Variants in VNN2 observed in about 807,000 individuals in gnomAD.
VNN2 encodes vanin 2, also known as pantetheine hydrolase VNN2.
VNN2 carries 43 observed loss-of-function variants against 43.0 expected under a neutral mutation model. The ratio of observed to expected loss-of-function variants is 1.00; its 90% confidence interval spans 0.78 to 1.29. The LOEUF (loss-of-function observed/expected upper bound fraction) is 1.29. Ranked by LOEUF, VNN2 falls within the 50% of genes most tolerant of loss-of-function variation. The pLI is 0.00. For missense variants in VNN2, 652 were observed against 619.7 expected (o/e 1.05, Z -0.55); for synonymous variants, 230 against 224.3 (o/e 1.03, Z -0.23).
chr6:132,759,203 G>A (rs537552549), upstream of VNN2, among the ~76,000 whole-genome samples: 3 of 152,096 alleles, frequency 2.0e-5, no homozygotes, highest in African/African-American at 4.8e-5. Context: ...TTGGGAGGCC[G>A]AGGCAGGCAG....
At chr6:132,750,312 T>C (rs1422684299) in intron 5 of VNN2, among the ~76,000 whole-genome samples, 1 of 151,874 alleles carries the variant, frequency 6.6e-6, no homozygotes, top group Non-Finnish European at 1.5e-5. Context: ...GCCAACATTC[T>C]ATAAAAAGTT....
At chr6:132,745,101 C>T (rs1477944815) in intron 6 of VNN2, among the ~76,000 whole-genome samples, 1 of 152,124 alleles carries the variant, frequency 6.6e-6, no homozygotes, top group African/African-American at 2.4e-5. Context: ...TGTGAGTTCT[C>T]ATTCTAGATT....
intron 6 of VNN2, among the ~76,000 whole-genome samples, chr6:132,745,350 G>C (rs1779656319): frequency 6.6e-6 from 1 of 152,142 alleles, no homozygotes; most frequent in African/African-American, 2.4e-5. Context: ...CCAGTAGCTG[G>C]GATTACAGGG....
rs952220322 is a variant in VNN2 at position 132,752,403 on chromosome 6, G to A, written c.826+58C>T. On this transcript the variant is annotated intron_variant, in intron 4 of 6. Transcript: ENST00000326499. ...AAAATTAATACAAGTCATAACTGAG[G>A]CATTCATTTCTCTGCACTTAAAAAT... The A allele has an allele frequency of 1.0e-5, 16 of 1,524,736 alleles. No homozygotes were observed. The African/African-American group carries it at 2.1e-4, about 20-fold the overall frequency. 94.5% of individuals were successfully genotyped at this position (1,524,736 alleles called of 1,614,324 possible).
chr6:132,759,064 A>G (rs1422791951), upstream of VNN2, among the ~76,000 whole-genome samples: 2 of 152,108 alleles, frequency 1.3e-5, no homozygotes, highest in Non-Finnish European at 2.9e-5. Context: ...GATTGGTGAT[A>G]AAGATCATCT....
intron 6 of VNN2, among the ~76,000 whole-genome samples, chr6:132,747,536 G>C (rs1779792306): frequency 6.6e-6 from 1 of 152,116 alleles, no homozygotes; most frequent in Non-Finnish European, 1.5e-5. Context: ...AGAATCGCTT[G>C]AACCCAAGAG....
At chr6:132,751,897 CT>C (rs150080814) in intron 4 of VNN2, among the ~76,000 whole-genome samples, 2,035 of 152,306 alleles carry the variant, frequency 0.013, 44 homozygotes, top group African/African-American at 0.046. Context: ...TAAAATTCTT[CT>C]TTCTGGTGGG....
chr6:132,755,644 G>T (rs1780416989), intron 3 of VNN2, among the ~76,000 whole-genome samples, 199 bp downstream of exon 3: 1 of 151,470 alleles, frequency 6.6e-6, no homozygotes. Context: ...CAAAGTGCTG[G>T]GCTTACAGGC....
rs1260136913 is a variant in VNN2, at chr6:132,756,053, T to C, written c.345-18A>G. The C allele has an allele frequency of 6.6e-7, 1 of 1,522,596 alleles. No homozygotes were observed. Among genetic ancestry groups the C allele is most frequent in the Admixed American group, 2.3e-5 (1 of 43,142 alleles). The allele number at this position is 1,522,596 out of a possible 1,614,324, so 94.3% of individuals were successfully genotyped here. A position where few individuals can be genotyped will look rare whatever the true frequency, so the allele number is the denominator to read the frequency against. On this transcript the variant is annotated intron_variant, in intron 2 of 6. Coordinates refer to ENST00000326499, the MANE Select transcript of VNN2 (RefSeq NM_004665.6). Reference sequence around the variant, plus strand: ...GACCAAATCTAAACCAAATTATAATTAAGAAATTTCAATTTTAAAAAAATA... The same window carrying C: ...GACCAAATCTAAACCAAATTATAATCAAGAAATTTCAATTTTAAAAAAATA...
intron 6 of VNN2, among the ~76,000 whole-genome samples, chr6:132,748,733 AGCTTAATTT>A (rs1779871404): frequency 6.6e-6 from 1 of 152,252 alleles, no homozygotes; most frequent in African/African-American, 2.4e-5. Flanking sequence ...ATTTGAAGCC[AGCTTAATTT>A]GTGAATTAAT....
upstream of VNN2, chr6:132,758,039 C>CTTCTTCTTCT (rs1488070973): frequency 9.1e-4 from 150 of 164,908 alleles, 2 homozygotes; most frequent in South Asian, 1.5e-3. Context: ...TCTTCTTCTT[C>CTTCTTCTTCT]TTTTTTTTTT....
At chr6:132,757,642 C>T (rs763457541) in intron 1 of VNN2, 29 bp downstream of exon 1, 28 of 1,611,360 alleles carry the variant, frequency 1.7e-5, no homozygotes, top group Non-Finnish European at 2.2e-5. Flanking sequence ...CCCTCGTGTA[C>T]ATTATGATTA....
upstream of VNN2, chr6:132,760,918 T>A (rs1780723825): frequency 6.6e-6 from 1 of 152,216 alleles, no homozygotes; most frequent in South Asian, 2.1e-4. Context: ...CTCCTTTGTT[T>A]TTTTATTTGA....
At position 132,757,729 on chromosome 6, in the gene VNN2, T is replaced by C. The variant is rs1183779843; in HGVS notation, c.155A>G (p.Asn52Ser). ...ETPVSQEDAL[N>S]LMNENIDILE... ...AATGTCTATATTCTCGTTCATGAGA[T>C]TCAAGGCATCCTCCTGAGAAACTGG... The change falls in exon 1 of 7, where the codon AAT becomes AGT. Residue 52 changes from asparagine (N) to serine (S), a missense_variant. By Grantham distance (46) the Asn-to-Ser change is conservative (BLOSUM62 1). Coordinates refer to ENST00000326499, the MANE Select transcript of VNN2 (RefSeq NM_004665.6). 1 of 1,614,184 alleles carries C rather than the reference T, an allele frequency of 6.2e-7. No individual in the cohort carries two copies. Among genetic ancestry groups the C allele is most frequent in the Admixed American group, 1.7e-5 (1 of 60,016 alleles).
upstream of VNN2, among the ~76,000 whole-genome samples, chr6:132,760,478 T>G (rs1265943001): frequency 6.6e-6 from 1 of 152,100 alleles, no homozygotes; most frequent in Non-Finnish European, 1.5e-5. Context: ...AGCCAGTCAT[T>G]CATGTCTTTT....
upstream of VNN2, chr6:132,758,018 C>CTTTTTTTTTTTTTTTTTT (rs1332482113): frequency 3.1e-5 from 5 of 158,988 alleles, 2 homozygotes; most frequent in African/African-American, 3.9e-4. Flanking sequence ...TCTTCTTCTT[C>CTTTTTTTTTTTTTTTTTT]TTCTTCTTCT....
chr6:132,748,414 A>G (rs541758705), intron 6 of VNN2, among the ~76,000 whole-genome samples: 74 of 152,322 alleles, frequency 4.9e-4, no homozygotes, highest in Middle Eastern at 3.4e-3. Context: ...TGTTGGTTTC[A>G]TAGAATTAAG....
rs936325009 is a variant in VNN2 at position 132,744,221 on chromosome 6, G to A, written c.*79C>T. ...TATACTACTGAAATAGCCCTTCAAA[G>A]TTTCTTAGTAAACTTGGGAAGCCGA... On this transcript the variant is annotated 3_prime_UTR_variant, in exon 7 of 7. Transcript: ENST00000326499. 4.3e-6 allele frequency: 6 copies of A among 1,385,834 alleles called. No homozygotes were observed. The highest frequency in any genetic ancestry group is 2.4e-4 in the Middle Eastern group (1 of 4,128). 85.8% of individuals were successfully genotyped at this position (1,385,834 alleles called of 1,614,324 possible). A position where few individuals can be genotyped will look rare whatever the true frequency, so the allele number is the denominator to read the frequency against.
At position 132,751,412 on chromosome 6, in the gene VNN2, C is replaced by T. The variant is rs146263625; in HGVS notation, c.933G>A (p.Ser311=). 113 of 1,614,074 alleles carry T rather than the reference C, an allele frequency of 7.0e-5. No homozygotes were observed. Among genetic ancestry groups the T allele is most frequent in the Non-Finnish European group, 8.5e-5 (100 of 1,180,012 alleles). Residue 311 remains serine (S), a synonymous_variant, in exon 5 of 7, where the codon TCG becomes TCA. Coordinates refer to ENST00000326499, the MANE Select transcript of VNN2 (RefSeq NM_004665.6). The part of the protein sequence containing the change: ...LSEVDSHPLS[S]LAYPTAVNWN... ...AATTAACAGCTGTTGGGTAGGCAAG[C>T]GAGGATAGGGGATGTGAATCCACCT... is the stretch of plus-strand genomic sequence containing the variant.
Sources: gnomAD v4.1 joint callset for allele counts (sites outside exome capture counted in the v4.1 genomes callset) on GRCh38, gnomAD v4.1.1 for gene constraint, MANE v1.5 for transcripts, NCBI Gene and HGNC (gene_info 2026-07-23, HGNC 2026-07-21) for gene names.